Variants in SMOC2 observed in about 807,000 individuals in gnomAD.
SMOC2 encodes SPARC related modular calcium binding 2.
SMOC2 carries 39 observed loss-of-function variants against 61.4 expected under a neutral mutation model. That is an observed-to-expected ratio of 0.64 (90% CI 0.49 to 0.83). The LOEUF (loss-of-function observed/expected upper bound fraction) is 0.83. SMOC2 is among the 40% of genes least tolerant of loss of function. The pLI, the probability that SMOC2 is intolerant of heterozygous loss-of-function variation, is 0.00. For synonymous variants in SMOC2, 247 were observed against 239.9 expected (o/e 1.03, Z -0.27); for missense variants, 556 against 592.9 (o/e 0.94, Z 0.65).
intron 12 of SMOC2, chr6:168,664,599 A>G (rs1787611966): frequency 2.4e-6 from 1 of 411,450 alleles, no homozygotes. Flanking sequence ...GGCATCCTGC[A>G]TAAGCAGGTG....
intron 9 of SMOC2, among the ~76,000 whole-genome samples, chr6:168,623,451 A>C (rs1482457931): frequency 2.7e-5 from 4 of 149,684 alleles, no homozygotes; most frequent in Non-Finnish European, 4.4e-5. Context: ...TCAGCCTCCG[A>C]GTAACTAGGA....
intron 9 of SMOC2, among the ~76,000 whole-genome samples, chr6:168,624,838 GAC>G (rs1470127874): frequency 1.4e-5 from 2 of 142,294 alleles, no homozygotes; most frequent in Non-Finnish European, 3.0e-5. Flanking sequence ...GAAACACACA[GAC>G]ACAGGCACAC....
intron 2 of SMOC2, among the ~76,000 whole-genome samples, chr6:168,517,489 G>A (rs1310528530): frequency 2.0e-5 from 3 of 152,218 alleles, no homozygotes; most frequent in Non-Finnish European, 4.4e-5. Flanking sequence ...TGGACCTGAG[G>A]GGCTGCCCTG....
At chr6:168,534,421 A>T (rs916329489) in intron 4 of SMOC2, among the ~76,000 whole-genome samples, 1 of 152,226 alleles carries the variant, frequency 6.6e-6, no homozygotes, top group Admixed American at 6.5e-5. Context: ...GAAGAGTGGG[A>T]GGTCCCTGCG....
chr6:168,525,023 G>A (rs1258437581), intron 2 of SMOC2, among the ~76,000 whole-genome samples: 3 of 152,272 alleles, frequency 2.0e-5, no homozygotes, highest in Non-Finnish European at 4.4e-5. Flanking sequence ...GAAGACGGAA[G>A]TGAACAACAT....
chr6:168,524,820 C>G (rs916729889), intron 2 of SMOC2, among the ~76,000 whole-genome samples: 1 of 152,226 alleles, frequency 6.6e-6, no homozygotes, highest in South Asian at 2.1e-4. Context: ...TGTGTAGGCC[C>G]GTAATGCTCT....
chr6:168,607,834 A>T (rs551587725), intron 8 of SMOC2, among the ~76,000 whole-genome samples: 1 of 152,038 alleles, frequency 6.6e-6, no homozygotes, highest in Non-Finnish European at 1.5e-5. Flanking sequence ...GCTCCATCCA[A>T]CCCTGCAACG....
At chr6:168,558,858 C>T (rs888287338) in intron 7 of SMOC2, among the ~76,000 whole-genome samples, 13 of 125,166 alleles carry the variant, frequency 1.0e-4, no homozygotes, top group African/African-American at 2.0e-4. Context: ...TGCGCGTGTG[C>T]GCATGTGTGT....
chr6:168,507,227 A>T (rs1782892321), intron 1 of SMOC2, among the ~76,000 whole-genome samples: 1 of 152,204 alleles, frequency 6.6e-6, no homozygotes, highest in South Asian at 2.1e-4. Context: ...TTCAGGAAAT[A>T]CATAGAGACC....
chr6:168,511,818 T>TG (rs1240031889), intron 2 of SMOC2, among the ~76,000 whole-genome samples: 1 of 150,970 alleles, frequency 6.6e-6, no homozygotes, highest in African/African-American at 2.4e-5. Flanking sequence ...AGGGTTGTTT[T>TG]TTTTTTTTTT....
At chr6:168,595,590 C>A (rs1004988767) in intron 7 of SMOC2, among the ~76,000 whole-genome samples, 7 of 152,292 alleles carry the variant, frequency 4.6e-5, no homozygotes, top group African/African-American at 1.7e-4. Context: ...CTTCTGCCTC[C>A]ACTGTGGCCC....
intron 2 of SMOC2, among the ~76,000 whole-genome samples, chr6:168,515,160 A>G (rs1783100424): frequency 6.6e-6 from 1 of 152,248 alleles, no homozygotes; most frequent in Non-Finnish European, 1.5e-5. Flanking sequence ...GAAGTTTTAT[A>G]CCATAAATTA....
chr6:168,609,769 G>A (rs1309016978), intron 9 of SMOC2, among the ~76,000 whole-genome samples: 2 of 152,156 alleles, frequency 1.3e-5, no homozygotes, highest in Non-Finnish European at 2.9e-5. Context: ...ACTTCAATCT[G>A]TCTTTTGCCC....
intron 9 of SMOC2, among the ~76,000 whole-genome samples, chr6:168,636,941 C>T (rs1283435986): frequency 7.6e-6 from 1 of 132,096 alleles, no homozygotes; most frequent in Non-Finnish European, 1.6e-5. Context: ...TCCCCACCTC[C>T]CTCTTCCCTC....
chr6:168,531,039 G>C (rs1189894988), intron 4 of SMOC2, among the ~76,000 whole-genome samples: 1 of 152,092 alleles, frequency 6.6e-6, no homozygotes, highest in Non-Finnish European at 1.5e-5. Context: ...CTGAGTCCAC[G>C]GAGCCCCACA....
At chr6:168,566,177 C>T (rs1188176252) in intron 7 of SMOC2, among the ~76,000 whole-genome samples, 1 of 152,100 alleles carries the variant, frequency 6.6e-6, no homozygotes, top group East Asian at 1.9e-4. Context: ...AAAGAAACCT[C>T]TATCCTATTA....
At chr6:168,588,947 G>T (rs1346689653) in intron 7 of SMOC2, among the ~76,000 whole-genome samples, 2 of 147,834 alleles carry the variant, frequency 1.4e-5, no homozygotes. Context: ...GGGCGTGGTG[G>T]TGTGTCCCTG....
chr6:168,640,576 C>T (rs906508913), intron 9 of SMOC2, among the ~76,000 whole-genome samples: 15 of 152,168 alleles, frequency 9.9e-5, no homozygotes, highest in Non-Finnish European at 2.1e-4. Context: ...TGTAACCTCA[C>T]TTGAAATCAA....
intron 1 of SMOC2, among the ~76,000 whole-genome samples, chr6:168,443,350 T>G (rs1452497781): frequency 6.6e-6 from 1 of 152,110 alleles, no homozygotes; most frequent in Non-Finnish European, 1.5e-5. Flanking sequence ...CCTCTCACCT[T>G]TTGCCCCCTT....
Sources: allele counts gnomAD v4.1 joint callset (sites outside exome capture counted in the v4.1 genomes callset), GRCh38; gene constraint gnomAD v4.1.1; transcripts MANE v1.5; gene names NCBI Gene and HGNC (gene_info 2026-07-23, HGNC 2026-07-21).